MYRFL: variants seen among roughly 807,000 people sequenced by gnomAD.
MYRFL encodes myelin regulatory factor-like protein.
MYRFL carries 88 observed loss-of-function variants against 109.4 expected under a neutral mutation model. The observed-to-expected ratio is 0.80, with a 90% CI of 0.68 to 0.96. MYRFL has a LOEUF of 0.96. MYRFL is among the 40% of genes least tolerant of loss of function. The probability of loss-of-function intolerance (pLI) is 0.00; values close to 1 mark genes in which losing one functional copy is unlikely to be tolerated. For missense variants in MYRFL, 957 were observed against 954.9 expected, an observed-to-expected ratio of 1.00 and a Z score of -0.03; for synonymous variants, 324 against 320.9, an observed-to-expected ratio of 1.01 and a Z score of -0.10.
In MYRFL at chr12:69,886,858, G is replaced by A. The variant is rs1326759564; in HGVS notation, c.595G>A (p.Asp199Asn). The A allele has an allele frequency of 1.3e-6, 2 of 1,535,926 alleles. No homozygotes were observed. Among genetic ancestry groups the A allele is most frequent in the Non-Finnish European group, 1.7e-6 (2 of 1,146,740 alleles). The change falls in exon 6 of 25, where the codon GAC becomes AAC. Residue 199 changes from aspartate to asparagine, a missense_variant. Asp to Asn is a conservative substitution (Grantham distance 23, BLOSUM62 1). Transcript: ENST00000552032. ...RSRSSEVQDP[D>N]SEGQNRMPTD... ...TCGCAGCAGTGAAGTCCAGGACCCTGACAGTGAGGGACAGAACAGAATGCC... is the reference window on the plus strand; with the variant it reads ...TCGCAGCAGTGAAGTCCAGGACCCTAACAGTGAGGGACAGAACAGAATGCC...
intron 8 of MYRFL, among the ~76,000 whole-genome samples, chr12:69,894,396 G>A (rs770871766): frequency 2.6e-5 from 4 of 152,110 alleles, no homozygotes; most frequent in East Asian, 1.9e-4. Flanking sequence ...TTTATAAAAC[G>A]ATCCATTTTT....
chr12:69,845,342 G>C (rs1440881911), intron 1 of MYRFL, among the ~76,000 whole-genome samples: 1 of 152,128 alleles, frequency 6.6e-6, no homozygotes, highest in African/African-American at 2.4e-5. Context: ...TTAGTAAATT[G>C]TGGTTGAATC....
chr12:69,911,957 C>CTGGT (rs1954585012), intron 13 of MYRFL, among the ~76,000 whole-genome samples: 3 of 152,182 alleles, frequency 2.0e-5, no homozygotes, highest in African/African-American at 7.2e-5. Context: ...CCTGCAATTC[C>CTGGT]AACCAGCCTC....
chr12:69,853,573 C>A (rs372010551), intron 1 of MYRFL, among the ~76,000 whole-genome samples: 4 of 146,072 alleles, frequency 2.7e-5, no homozygotes, highest in Middle Eastern at 4.2e-3. Context: ...CAGGCAGAGA[C>A]GCTCCTCACT....
At chr12:69,830,022 C>T (rs978287919) in intron 1 of MYRFL, among the ~76,000 whole-genome samples, 1 of 152,080 alleles carries the variant, frequency 6.6e-6, no homozygotes, top group Non-Finnish European at 1.5e-5. Flanking sequence ...TTCCTATGCC[C>T]TCTTCCTTCT....
intron 6 of MYRFL, among the ~76,000 whole-genome samples, chr12:69,889,870 T>A (rs1886691492): frequency 6.6e-6 from 1 of 151,976 alleles, no homozygotes; most frequent in Non-Finnish European, 1.5e-5. Context: ...AAAAAAAGTT[T>A]AGGATCTTGG....
rs1349972182 is a variant in MYRFL, at chr12:69,936,206, T to C, written c.1991+19T>C. The C allele has an allele frequency of 6.5e-7, 1 of 1,535,264 alleles. No individual in the cohort carries two copies. The highest frequency in any genetic ancestry group is 2.0e-5 in the Admixed American group (1 of 50,884). On this transcript the variant is annotated intron_variant, in intron 17 of 24. Transcript: ENST00000552032. The stretch of plus-strand genomic sequence containing the variant: ...CTCCAAGGTGAGAGTTCAGTTCAAT[T>C]TTCTGGCCTAAAATTCCTTTGGAGA...
chr12:69,955,459 A>G, intron 22 of MYRFL, 22 bp downstream of exon 22: 2 of 570,376 alleles, frequency 3.5e-6, no homozygotes, highest in South Asian at 2.4e-5. Flanking sequence ...GCTGTAAAAA[A>G]CAATTTCATT....
chr12:69,936,424 T>A, intron 18 of MYRFL, 29 bp from the exon 19 acceptor site: 1 of 1,530,270 alleles, frequency 6.5e-7, no homozygotes, highest in Non-Finnish European at 8.7e-7. Context: ...CCTTCTTGCT[T>A]CCCCTCCCCC....
At chr12:69,862,733 C>A (rs1884765523) in intron 2 of MYRFL, among the ~76,000 whole-genome samples, 1 of 152,064 alleles carries the variant, frequency 6.6e-6, no homozygotes, top group Admixed American at 6.5e-5. Context: ...TAATTGAATA[C>A]CCTTTATTTC....
chr12:69,900,035 C>A (rs954091966), intron 10 of MYRFL, among the ~76,000 whole-genome samples: 1 of 152,108 alleles, frequency 6.6e-6, no homozygotes, highest in African/African-American at 2.4e-5. Context: ...GTGTTGCAAG[C>A]AGGAGGGATG....
At position 69,958,969 on chromosome 12, in the gene MYRFL, A is replaced by AGT. The variant is rs1956155216; in HGVS notation, c.*438_*439insGT. 6.1e-6 allele frequency: 1 copy of AGT among 164,658 alleles called. No homozygotes were observed. Among genetic ancestry groups the AGT allele is most frequent in the East Asian group, 1.8e-4 (1 of 5,462 alleles). The allele number at this position is 164,658 out of a possible 1,614,324, so 10.2% of individuals were successfully genotyped here. The stretch of plus-strand genomic sequence containing the variant: ...ATGTGTGATATGGTATGTGGAGGAG[A>AGT]TGTGGGGGGTGGTATCTGATACTGA... On this transcript the variant is annotated 3_prime_UTR_variant, in exon 25 of 25. Coordinates refer to ENST00000552032, the MANE Select transcript of MYRFL (RefSeq NM_182530.3).
At chr12:69,907,051 G>A (rs911132566) in intron 11 of MYRFL, among the ~76,000 whole-genome samples, 2 of 152,166 alleles carry the variant, frequency 1.3e-5, no homozygotes, top group East Asian at 3.8e-4. Flanking sequence ...GTAAGTGCTG[G>A]CCTGGGTAGG....
chr12:69,944,491 A>G (rs532940503), intron 19 of MYRFL, among the ~76,000 whole-genome samples: 4,638 of 143,314 alleles, frequency 0.032, 262 homozygotes, highest in African/African-American at 0.11. Flanking sequence ...CAATGAGAAC[A>G]CATGGACACA....
At position 69,936,169 on chromosome 12, in the gene MYRFL, T is replaced by G; in HGVS notation, c.1973T>G (p.Val658Gly). ...ILSLKDQDRR[V>G]PNLPPSNITS... ...AGCTTAAAAGATCAAGACCGACGTG[T>G]CCCAAATCTCCCTCCAAGGTGAGAG... The change falls in exon 17 of 25, where the codon GTC becomes GGC. Residue 658 changes from valine (V) to glycine (G), a missense_variant. Val to Gly is a moderately radical substitution (Grantham distance 109). Transcript: ENST00000552032. The G allele has an allele frequency of 6.7e-7, 1 of 1,484,204 alleles. No individual in the cohort carries two copies. The highest frequency in any genetic ancestry group is 8.9e-7 in the Non-Finnish European group (1 of 1,117,350). The allele number at this position is 1,484,204 out of a possible 1,614,324, so 91.9% of individuals were successfully genotyped here.
intron 5 of MYRFL, among the ~76,000 whole-genome samples, chr12:69,886,612 C>T (rs939242278): frequency 2.6e-5 from 4 of 151,964 alleles, no homozygotes; most frequent in African/African-American, 7.3e-5. Context: ...CAGGTGTTTA[C>T]CCCCCACCCT....
intron 6 of MYRFL, among the ~76,000 whole-genome samples, chr12:69,889,326 A>C (rs1355156164): frequency 6.6e-6 from 1 of 152,078 alleles, no homozygotes; most frequent in East Asian, 1.9e-4. Context: ...TATGTTCTCT[A>C]TTTGATAATG....
rs1349328882 is a variant in MYRFL at position 69,897,144 on chromosome 12, T to A, written c.1092-12T>A. On this transcript the variant is annotated splice_polypyrimidine_tract_variant and intron_variant, in intron 9 of 24. Transcript: ENST00000552032. The stretch of plus-strand genomic sequence containing the variant: ...CTGATGCATTGGCATTGGTCTGCTG[T>A]CTCTGAATTAGATACTTCATGTTGG... 5 of 1,528,304 alleles carry A rather than the reference T, an allele frequency of 3.3e-6. No homozygotes were observed. The East Asian group carries it at 1.2e-4, about 37-fold the overall frequency. The allele number at this position is 1,528,304 out of a possible 1,614,324, so 94.7% of individuals were successfully genotyped here.
At chr12:69,940,023 G>C (rs372508896) in intron 19 of MYRFL, among the ~76,000 whole-genome samples, 45 of 148,746 alleles carry the variant, frequency 3.0e-4, no homozygotes, top group South Asian at 8.6e-4. Context: ...AAAGAAATGA[G>C]CAAAGCCTCC....
Sources: gnomAD v4.1 joint callset for allele counts (sites outside exome capture counted in the v4.1 genomes callset) on GRCh38, gnomAD v4.1.1 for gene constraint, MANE v1.5 for transcripts, NCBI Gene and HGNC (gene_info 2026-07-23, HGNC 2026-07-21) for gene names.